The following SH3KBP1 variants were observed in gnomAD, a reference collection of about 807,000 sequenced individuals.
SH3KBP1 encodes the protein SH3 domain-containing kinase-binding protein 1.
Under a neutral mutation model 50.1 loss-of-function variants are expected in SH3KBP1, and 8 were observed. The ratio of observed to expected loss-of-function variants is 0.16; its 90% CI spans 0.09 to 0.29. The LOEUF is 0.29. Among genes scored for constraint, SH3KBP1 ranks in the 10% least tolerant of loss-of-function variants. The pLI is 1.00. For missense variants in SH3KBP1, 377 were observed against 535.2 expected (o/e 0.70, Z 2.92); for synonymous variants, 227 against 218.6 (o/e 1.04, Z -0.34).
intron 13 of SH3KBP1, among the ~76,000 whole-genome samples, chrX:19,553,851 T>TTA (rs1173660088): frequency 1.2e-5 from 1 of 85,899 alleles, no homozygotes; most frequent in African/African-American, 4.3e-5. Context: ...TATATATATA[T>TTA]TATATATATT....
At chrX:19,753,801 A>G (rs2065136160) in intron 2 of SH3KBP1, among the ~76,000 whole-genome samples, 2 of 112,592 alleles carry the variant, frequency 1.8e-5, no homozygotes, top group East Asian at 2.8e-4. Flanking sequence ...AAAAAAACAT[A>G]AAGTAAATAT....
chrX:19,836,754 A>G (rs779920501), intron 1 of SH3KBP1, among the ~76,000 whole-genome samples: 1 of 111,802 alleles, frequency 8.9e-6, no homozygotes, highest in African/African-American at 3.2e-5. Context: ...CTGTGTCCCC[A>G]CCCAAATCTC....
chrX:19,738,408 A>C (rs2064659295), intron 3 of SH3KBP1, among the ~76,000 whole-genome samples: 1 of 110,742 alleles, frequency 9.0e-6, no homozygotes, highest in African/African-American at 3.3e-5. Context: ...TCACTAGTAG[A>C]TGGAAATATA....
At chrX:19,598,229 TTTTATTTA>T (rs60833421) in intron 9 of SH3KBP1, among the ~76,000 whole-genome samples, 12,620 of 101,775 alleles carry the variant, frequency 0.12, 777 homozygotes, top group Non-Finnish European at 0.13. Context: ...GCAAGTCTGT[TTTTATTTA>T]TTTATTTATT....
chrX:19,544,348 G>A (rs1322834223), intron 15 of SH3KBP1, among the ~76,000 whole-genome samples: 1 of 110,301 alleles, frequency 9.1e-6, no homozygotes, highest in East Asian at 2.9e-4. Context: ...AGCAACGATC[G>A]GTTGGCACAA....
chrX:19,590,865 T>G (rs1244581594), intron 11 of SH3KBP1, among the ~76,000 whole-genome samples: 1 of 95,211 alleles, frequency 1.1e-5, no homozygotes, highest in Non-Finnish European at 2.1e-5. Context: ...TCTTGTTATG[T>G]TGCCCAGGCT....
chrX:19,572,889 C>A (rs1467100634), intron 12 of SH3KBP1, among the ~76,000 whole-genome samples: 1 of 111,757 alleles, frequency 8.9e-6, no homozygotes, highest in African/African-American at 3.3e-5. Flanking sequence ...CAGCAGCACA[C>A]ATATACCCAC....
intron 3 of SH3KBP1, among the ~76,000 whole-genome samples, chrX:19,714,988 A>C (rs1175840866): frequency 8.9e-6 from 1 of 111,774 alleles, no homozygotes. Context: ...AAGGAAAAAA[A>C]TCAGGCCAGG....
intron 16 of SH3KBP1, among the ~76,000 whole-genome samples, chrX:19,538,273 T>C (rs10482263): frequency 0.29 from 31,994 of 111,506 alleles, 4,008 homozygotes; most frequent in African/African-American, 0.48. Context: ...GGCACGATCA[T>C]GGGTCACTGC....
intron 16 of SH3KBP1, among the ~76,000 whole-genome samples, chrX:19,538,468 C>T (rs1440268792): frequency 9.0e-6 from 1 of 111,293 alleles, no homozygotes; most frequent in Non-Finnish European, 1.9e-5. Context: ...CTTGGCCTCC[C>T]AAAGTGCTAG....
chrX:19,878,225 G>A lies in SH3KBP1; in HGVS notation c.4+9082C>T, dbSNP rs193123905. ...GCTGAAGGAATTTAAGTGAAGAAAC[G>A]TGGAATGATATCAACCATGTGTGTG... On this transcript the variant is annotated intron_variant, in intron 1 of 17. Transcript: ENST00000397821. Among the ~76,000 whole-genome samples, 292 of 110,962 alleles carry A rather than the reference G, an allele frequency of 2.6e-3. 1 individual carries two copies. The highest frequency in any genetic ancestry group is 8.8e-3 in the African/African-American group (268 of 30,474).
intron 1 of SH3KBP1, among the ~76,000 whole-genome samples, chrX:19,842,610 T>C: frequency 9.1e-6 from 1 of 110,426 alleles, no homozygotes; most frequent in East Asian, 2.8e-4. Flanking sequence ...ATTGAGGTGG[T>C]AGACTGTGTT....
chrX:19,749,319 C>CCA (rs1444351420), intron 2 of SH3KBP1, among the ~76,000 whole-genome samples: 1 of 112,434 alleles, frequency 8.9e-6, no homozygotes, highest in Non-Finnish European at 1.9e-5. Flanking sequence ...AGCAGGGACC[C>CCA]CAGCAGAATT....
intron 15 of SH3KBP1, among the ~76,000 whole-genome samples, chrX:19,543,908 G>A (rs982078617): frequency 5.4e-5 from 6 of 111,280 alleles, no homozygotes; most frequent in South Asian, 3.8e-4. Context: ...GGCAGGTGGC[G>A]AGGAGGGAAA....
At chrX:19,821,009 T>C (rs1183803036) in intron 2 of SH3KBP1, among the ~76,000 whole-genome samples, 1 of 111,912 alleles carries the variant, frequency 8.9e-6, no homozygotes, top group African/African-American at 3.2e-5. Context: ...CTCTTAAATA[T>C]AATTTTCTTG....
intron 9 of SH3KBP1, among the ~76,000 whole-genome samples, chrX:19,599,453 G>T (rs2067010614): frequency 8.9e-6 from 1 of 112,090 alleles, no homozygotes; most frequent in South Asian, 3.7e-4. Flanking sequence ...GTGTGAATGT[G>T]GCAAAGGACA....
At chrX:19,720,762 GA>G (rs749820624) in intron 3 of SH3KBP1, among the ~76,000 whole-genome samples, 61 of 111,055 alleles carry the variant, frequency 5.5e-4, no homozygotes, top group Non-Finnish European at 9.8e-4. Context: ...TAGGAGAGGA[GA>G]AAAAAAGACA....
intron 2 of SH3KBP1, among the ~76,000 whole-genome samples, chrX:19,771,244 T>G (rs1188898419): frequency 8.9e-6 from 1 of 112,585 alleles, no homozygotes; most frequent in Non-Finnish European, 1.9e-5. Flanking sequence ...AAAGAGGATT[T>G]AAAGTATGTC....
intron 13 of SH3KBP1, among the ~76,000 whole-genome samples, chrX:19,566,958 G>C (rs73631356): frequency 0.033 from 3,682 of 111,027 alleles, 149 homozygotes; most frequent in African/African-American, 0.11. Flanking sequence ...CAGCAGGAGA[G>C]CAGAATGCTC....
Sources: gnomAD v4.1 joint callset for allele counts (sites outside exome capture counted in the v4.1 genomes callset) on GRCh38, gnomAD v4.1.1 for gene constraint, MANE v1.5 for transcripts, NCBI Gene and HGNC (gene_info 2026-07-23, HGNC 2026-07-21) for gene names.